Variants in MANBA observed in about 807,000 individuals in gnomAD.
MANBA encodes beta-mannosidase.
Under a neutral mutation model 111.1 loss-of-function variants are expected in MANBA, and 83 were observed. That is an observed-to-expected ratio of 0.75 (90% confidence interval 0.63 to 0.90). MANBA has a LOEUF of 0.90. Ranked by LOEUF, MANBA falls within the 40% of genes least tolerant of loss-of-function variation. The probability of loss-of-function intolerance (pLI) is 0.00; values close to 1 mark genes in which losing one functional copy is unlikely to be tolerated. For synonymous variants in MANBA, 370 were observed against 378.7 expected, an observed-to-expected ratio of 0.98 and a Z score of 0.27; for missense variants, 1,036 against 1,069.0, an observed-to-expected ratio of 0.97 and a Z score of 0.43.
rs912601988 is a variant in MANBA at position 102,631,999 on chromosome 4, T to A, written c.*58A>T. 7.1e-7 allele frequency: 1 copy of A among 1,407,802 alleles called. No individual in the cohort carries two copies. Among genetic ancestry groups the A allele is most frequent in the African/African-American group, 1.4e-5 (1 of 70,644 alleles). The allele number at this position is 1,407,802 out of a possible 1,614,324, so 87.2% of individuals were successfully genotyped here. ...TTGTCTCTGTTGCCTTCCTCTCCAG[T>A]CGGTGCTTTAGAAATGCTTTATTCC... On this transcript the variant is annotated 3_prime_UTR_variant, in exon 17 of 17. Transcript: ENST00000647097.
At chr4:102,644,811 A>G (rs529980982) in intron 13 of MANBA, among the ~76,000 whole-genome samples, 2 of 152,298 alleles carry the variant, frequency 1.3e-5, no homozygotes, top group African/African-American at 2.4e-5. Flanking sequence ...TATGTTTAAC[A>G]GCTTGAATTA....
At chr4:102,661,856 A>G (rs748657142) in intron 11 of MANBA, among the ~76,000 whole-genome samples, 1 of 152,258 alleles carries the variant, frequency 6.6e-6, no homozygotes, top group Non-Finnish European at 1.5e-5. Flanking sequence ...GGCCATAAAA[A>G]GAAAGCATGT....
intron 5 of MANBA, among the ~76,000 whole-genome samples, chr4:102,701,790 A>T (rs1426583584): frequency 1.3e-5 from 2 of 151,832 alleles, no homozygotes; most frequent in Non-Finnish European, 2.9e-5. Flanking sequence ...GCTGCCCTTA[A>T]CATTTTTTCC....
chr4:102,632,091 G>T lies in MANBA; in HGVS notation c.2606C>A (p.Ser869Tyr). ...ATCTGTTAAGGAGGTCACATGAAAA[G>T]ATTGCTCCAACTCATTCTTGCTGGT... ...EPTSKNELEQ[S>Y]FHVTSLTDIY The change falls in exon 17 of 17, where the codon TCT becomes TAT. Residue 869 changes from serine (S) to tyrosine (Y), a missense_variant. Coordinates refer to ENST00000647097, the MANE Select transcript of MANBA (RefSeq NM_005908.4). 1 of 1,610,584 alleles carries T rather than the reference G, an allele frequency of 6.2e-7. No homozygotes were observed. The highest frequency in any genetic ancestry group is 8.5e-7 in the Non-Finnish European group (1 of 1,177,830).
intron 16 of MANBA, among the ~76,000 whole-genome samples, chr4:102,632,674 A>G (rs1729444718): frequency 6.6e-6 from 1 of 152,208 alleles, no homozygotes; most frequent in African/African-American, 2.4e-5. Flanking sequence ...CCAACTGTGG[A>G]GCTTACATTC....
intron 7 of MANBA, among the ~76,000 whole-genome samples, chr4:102,682,278 A>C (rs183148275): frequency 1.3e-5 from 2 of 152,264 alleles, no homozygotes. Flanking sequence ...GTAACCAAAC[A>C]CATAGTTAAA....
chr4:102,704,409 T>C (rs1188186961), intron 5 of MANBA, among the ~76,000 whole-genome samples: 4 of 152,188 alleles, frequency 2.6e-5, no homozygotes, highest in Admixed American at 2.6e-4. Flanking sequence ...CCTCAAGTGA[T>C]CCTTTGAACT....
chr4:102,737,026 T>C (rs374595073), intron 1 of MANBA, among the ~76,000 whole-genome samples: 1 of 151,836 alleles, frequency 6.6e-6, no homozygotes, highest in Non-Finnish European at 1.5e-5. Flanking sequence ...CAAAATATAA[T>C]AGTACCGAGA....
chr4:102,721,090 G>A (rs59248089), intron 4 of MANBA, among the ~76,000 whole-genome samples: 8,694 of 152,112 alleles, frequency 0.057, 735 homozygotes, highest in African/African-American at 0.18. Context: ...TTGGGAGGCC[G>A]AGGCGGGTGG....
At chr4:102,656,040 C>T (rs964379427) in intron 12 of MANBA, among the ~76,000 whole-genome samples, 5 of 152,096 alleles carry the variant, frequency 3.3e-5, no homozygotes, top group African/African-American at 1.2e-4. Context: ...ATCACTTGAG[C>T]TCAGGAGTTC....
chr4:102,756,925 A>C (rs1432157569), intron 1 of MANBA, among the ~76,000 whole-genome samples: 1 of 152,138 alleles, frequency 6.6e-6, no homozygotes, highest in Non-Finnish European at 1.5e-5. Flanking sequence ...TAACATATGG[A>C]AATTATTTAG....
At chr4:102,633,439 G>A (rs942736025) in intron 16 of MANBA, 5 of 398,528 alleles carry the variant, frequency 1.3e-5, no homozygotes, top group African/African-American at 8.2e-5. Flanking sequence ...CTCTCTGTAT[G>A]TCTGACTGCA....
intron 2 of MANBA, 93 bp from the exon 3 acceptor site, chr4:102,724,060 A>G: frequency 1.4e-6 from 1 of 722,636 alleles, no homozygotes; most frequent in Admixed American, 2.6e-5. Context: ...AGAAATAAAT[A>G]TTCCACAAAA....
intron 5 of MANBA, among the ~76,000 whole-genome samples, chr4:102,712,364 T>C (rs929402025): frequency 6.6e-6 from 1 of 152,200 alleles, no homozygotes; most frequent in South Asian, 2.1e-4. Flanking sequence ...CAGGAAGAAA[T>C]GTTTAGTTTC....
Position 102,650,678 on chromosome 4 carries a change from A to C in MANBA, c.1728T>G (p.Ser576=). Residue 576 remains serine, a synonymous_variant, in exon 13 of 17, where the codon TCT becomes TCG. Coordinates refer to ENST00000647097, the MANE Select transcript of MANBA (RefSeq NM_005908.4). ...GATGAAGTGAAAACTTGCTATTGAA[A>C]GACCAGTCCTCTGTAGACGAGACCT... is the stretch of plus-strand genomic sequence containing the variant. The part of the protein sequence containing the change: ...LEKVSSTEDW[S]FNSKFSLHRQ... 6.2e-7 allele frequency: 1 copy of C among 1,613,248 alleles called. No individual in the cohort carries two copies. The highest frequency in any genetic ancestry group is 8.5e-7 in the Non-Finnish European group (1 of 1,179,294).
chr4:102,728,206 G>C, intron 1 of MANBA: 2 of 538,240 alleles, frequency 3.7e-6, no homozygotes, highest in Non-Finnish European at 7.5e-6. Context: ...GCTCCCTTGG[G>C]GCTGGACTCC....
At chr4:102,690,130 GA>G (rs1418481374) in intron 6 of MANBA, among the ~76,000 whole-genome samples, 2 of 151,700 alleles carry the variant, frequency 1.3e-5, no homozygotes, top group Non-Finnish European at 2.9e-5. Flanking sequence ...TAGAGGAATA[GA>G]AAAAAGAAAA....
chr4:102,729,476 G>A (rs1184521503), intron 1 of MANBA: 2 of 1,195,966 alleles, frequency 1.7e-6, no homozygotes, highest in Non-Finnish European at 2.5e-6. Context: ...TGCAGCTCCT[G>A]GATCTCCTCT....
At chr4:102,636,181 T>C (rs1359026776) in intron 14 of MANBA, among the ~76,000 whole-genome samples, 174 bp from the exon 15 acceptor site, 1 of 152,204 alleles carries the variant, frequency 6.6e-6, no homozygotes, top group Non-Finnish European at 1.5e-5. Context: ...CTGGACATTA[T>C]GTCATGTCAC....
Sources: gnomAD v4.1 joint callset for allele counts (sites outside exome capture counted in the v4.1 genomes callset) on GRCh38, gnomAD v4.1.1 for gene constraint, MANE v1.5 for transcripts, NCBI Gene and HGNC (gene_info 2026-07-23, HGNC 2026-07-21) for gene names.